ARID1A: variants seen among roughly 807,000 people sequenced by gnomAD.
The protein encoded by ARID1A is AT-rich interaction domain 1A, also known as AT-rich interactive domain-containing protein 1A.
A neutral mutation model predicts 212.6 loss-of-function variants in ARID1A; 20 were observed. The ratio of observed to expected loss-of-function variants is 0.09; its 90% CI spans 0.07 to 0.14. The LOEUF (loss-of-function observed/expected upper bound fraction) is 0.14. Among genes scored for constraint, ARID1A ranks in the 10% least tolerant of loss-of-function variants. The probability of loss-of-function intolerance (pLI) is 1.00; values close to 1 mark genes in which losing one functional copy is unlikely to be tolerated. For synonymous variants in ARID1A, 1,376 were observed against 1,222.1 expected, an observed-to-expected ratio of 1.13 and a Z score of -2.63; for missense variants, 2,587 against 3,059.0, an observed-to-expected ratio of 0.85 and a Z score of 3.64.
intron 4 of ARID1A, among the ~76,000 whole-genome samples, chr1:26,736,755 A>G (rs929182756): frequency 1.3e-5 from 2 of 151,550 alleles, no homozygotes; most frequent in African/African-American, 4.9e-5. Flanking sequence ...ATACAAAATT[A>G]GCCAGGCGTG....
At chr1:26,765,377 A>G (rs1299926120) in intron 8 of ARID1A, 2 of 149,936 alleles carry the variant, frequency 1.3e-5, no homozygotes, top group African/African-American at 4.9e-5. Context: ...AGTCCCAGCT[A>G]CTTGGGAGGC....
rs563760632 is a variant in ARID1A, at chr1:26,717,458, CT to C, written c.1138-12185del. On this transcript the variant is annotated intron_variant, in intron 1 of 19. Coordinates refer to ENST00000324856, the MANE Select transcript of ARID1A (RefSeq NM_006015.6). Reference sequence around the variant, plus strand: ...TTGCTCAAAGTGGTGTGAAACTATACTTTTTTTTCTTTCTCAAAAAGTACAG... The same window carrying C: ...TTGCTCAAAGTGGTGTGAAACTATACTTTTTTTCTTTCTCAAAAAGTACAG... Among the ~76,000 whole-genome samples the C allele has an allele frequency of 5.7e-3, 870 of 152,232 alleles. 8 individuals carry two copies. Among genetic ancestry groups the C allele is most frequent in the African/African-American group, 0.018 (747 of 41,538 alleles).
chr1:26,716,190 C>T (rs547455783), intron 1 of ARID1A, among the ~76,000 whole-genome samples: 3 of 139,064 alleles, frequency 2.2e-5, no homozygotes, highest in African/African-American at 8.1e-5. Context: ...TGGGTAACAG[C>T]GAGATTCCGT....
rs752610128 is a variant in ARID1A at position 26,731,404 on chromosome 1, C to T, written c.1603C>T (p.Pro535Ser). 1 of 1,613,912 alleles carries T rather than the reference C, an allele frequency of 6.2e-7. No homozygotes were observed. Among genetic ancestry groups the T allele is most frequent in the South Asian group, 1.1e-5 (1 of 91,062 alleles). Reference sequence around the variant, plus strand: ...ACATCAGCAGTCCCCGGCTCCATACCCCTCCCAGCAGTCGACGACACAGCA... The same window carrying T: ...ACATCAGCAGTCCCCGGCTCCATACTCCTCCCAGCAGTCGACGACACAGCA... ...PPHQQSPAPYPSQQSTTQQHP... is the reference protein window; with the variant it reads ...PPHQQSPAPYSSQQSTTQQHP... The change falls in exon 3 of 20, where the codon CCC becomes TCC. Residue 535 changes from proline to serine, a missense_variant. Around this residue, in one of 11 missense-constraint regions of ARID1A, gnomAD observed 674 missense variants for 813.4 expected, o/e 0.83. Transcript: ENST00000324856.
Position 26,781,010 on chromosome 1 carries a change from G to C in ARID1A, c.*254G>C, listed in dbSNP as rs1235734781. Reference sequence around the variant, plus strand: ...GACCCTACCCCACCCTCTTTGAAAAGACAAAGCTCTGCCTACATAGAAGAC... The same window carrying C: ...GACCCTACCCCACCCTCTTTGAAAACACAAAGCTCTGCCTACATAGAAGAC... On this transcript the variant is annotated 3_prime_UTR_variant, in exon 20 of 20. Transcript: ENST00000324856. 7.3e-6 allele frequency: 3 copies of C among 411,050 alleles called. No individual in the cohort carries two copies. Among genetic ancestry groups the C allele is most frequent in the Non-Finnish European group, 1.3e-5 (3 of 234,002 alleles). 25.5% of individuals were successfully genotyped at this position (411,050 alleles called of 1,614,324 possible). A position where few individuals can be genotyped will look rare whatever the true frequency, so the allele number is the denominator to read the frequency against.
chr1:26,710,088 T>C (rs2080435834), intron 1 of ARID1A, among the ~76,000 whole-genome samples: 1 of 145,686 alleles, frequency 6.9e-6, no homozygotes, highest in Non-Finnish European at 1.5e-5. Context: ...CACCTGGGCC[T>C]CCCAAAGTGC....
intron 4 of ARID1A, among the ~76,000 whole-genome samples, chr1:26,743,747 G>A (rs1458483271): frequency 4.1e-5 from 6 of 146,856 alleles, no homozygotes; most frequent in South Asian, 2.1e-4. Context: ...CAAGAGAATC[G>A]CTTGAACCCG....
chr1:26,703,082 A>G (rs1370754226), intron 1 of ARID1A, among the ~76,000 whole-genome samples: 2 of 152,154 alleles, frequency 1.3e-5, no homozygotes, highest in Non-Finnish European at 2.9e-5. Flanking sequence ...TCCACTACCC[A>G]ATGGCCTGGG....
At chr1:26,715,809 G>T (rs1319238073) in intron 1 of ARID1A, among the ~76,000 whole-genome samples, 1 of 151,968 alleles carries the variant, frequency 6.6e-6, no homozygotes, top group Non-Finnish European at 1.5e-5. Flanking sequence ...GGAGTTCCAG[G>T]CCAGCCTGGG....
intron 4 of ARID1A, among the ~76,000 whole-genome samples, chr1:26,750,104 G>A (rs1476416105): frequency 1.3e-5 from 2 of 152,218 alleles, no homozygotes; most frequent in African/African-American, 4.8e-5. Context: ...ATAGAACACA[G>A]TGCCATCAGT....
intron 1 of ARID1A, among the ~76,000 whole-genome samples, chr1:26,699,834 T>C (rs1028457852): frequency 7.2e-5 from 11 of 152,312 alleles, no homozygotes; most frequent in African/African-American, 2.2e-4. Context: ...TTTGGAAATA[T>C]TTAGTCAAAG....
chr1:26,773,306 A>C (rs748083112), intron 14 of ARID1A, 40 bp from the exon 15 acceptor site: 2 of 1,533,006 alleles, frequency 1.3e-6, no homozygotes, highest in Non-Finnish European at 8.8e-7. Flanking sequence ...CAGGCTTGTC[A>C]ACTTACCAGT....
intron 4 of ARID1A, among the ~76,000 whole-genome samples, chr1:26,739,192 T>C (rs2080763028): frequency 6.6e-6 from 1 of 152,230 alleles, no homozygotes; most frequent in Non-Finnish European, 1.5e-5. Flanking sequence ...CGGCCCAGCT[T>C]CTGTAACTTT....
rs184491796 is a variant in ARID1A at position 26,726,543 on chromosome 1, G to C, written c.1138-3108G>C. Reference sequence around the variant, plus strand: ...TCCTTCTTTCTCATCTTTCACTTCAGTCCAACTTTTTTTCTACCTTCAAAG... The same window carrying C: ...TCCTTCTTTCTCATCTTTCACTTCACTCCAACTTTTTTTCTACCTTCAAAG... On this transcript the variant is annotated intron_variant, in intron 1 of 19. Transcript: ENST00000324856. 2.0e-5 allele frequency among the ~76,000 whole-genome samples: 3 copies of C among 152,136 alleles called. No individual in the cohort carries two copies. The South Asian group carries it at 6.2e-4, about 31-fold the overall frequency.
In ARID1A at chr1:26,779,179, G is replaced by T. The variant is rs766067889; in HGVS notation, c.5281G>T (p.Gly1761Cys). 8.1e-6 allele frequency: 13 copies of T among 1,608,088 alleles called. No homozygotes were observed. The East Asian group carries it at 2.9e-4, about 36-fold the overall frequency. The change falls in exon 20 of 20, where the codon GGT becomes TGT. Residue 1761 changes from glycine to cysteine, a missense_variant. This residue lies in a region of ARID1A where 890 missense variants were observed against 1,098.2 expected (regional missense o/e 0.81). Transcript: ENST00000324856. The stretch of plus-strand genomic sequence containing the variant: ...GGTGTCTAGTCCAGCTCCCATGGAG[G>T]GTGGGGAAGAAGAAGAAGAACTTCT... ...SKVSSPAPME[G>C]GEEEEELLGP...
At chr1:26,754,147 C>G (rs2080908332) in intron 4 of ARID1A, among the ~76,000 whole-genome samples, 1 of 152,146 alleles carries the variant, frequency 6.6e-6, no homozygotes, top group African/African-American at 2.4e-5. Flanking sequence ...TTGTAGAAAA[C>G]TGAACTGTTA....
In ARID1A at chr1:26,774,053, C is replaced by T; in HGVS notation, c.4101+155C>T. 1 of 1,091,582 alleles carries T rather than the reference C, an allele frequency of 9.2e-7. No homozygotes were observed. Among genetic ancestry groups the T allele is most frequent in the East Asian group, 2.5e-5 (1 of 39,278 alleles). The allele number at this position is 1,091,582 out of a possible 1,614,324, so 67.6% of individuals were successfully genotyped here. ...GCCAGTCCTGCCTGAAGAGCCACGT[C>T]CTCAATCTCTTCTCTATTTGGAGTT... On this transcript the variant is annotated intron_variant, in intron 17 of 19. Transcript: ENST00000324856. The surrounding 1 kb of genome is among the most constrained non-coding windows in gnomAD (Gnocchi z 5.6).
At chr1:26,768,167 GGCAGGAA>G (rs1476057609) in intron 11 of ARID1A, among the ~76,000 whole-genome samples, 168 bp downstream of exon 11, 1 of 152,140 alleles carries the variant, frequency 6.6e-6, no homozygotes. Flanking sequence ...CAGAAGATAA[GGCAGGAA>G]GCAGAGACCT....
At chr1:26,727,986 A>G (rs931056284) in intron 1 of ARID1A, 2 of 152,182 alleles carry the variant, frequency 1.3e-5, no homozygotes, top group Admixed American at 6.5e-5. Context: ...CGAACTTCCT[A>G]AGTAACCCTA....
Sources: allele counts gnomAD v4.1 joint callset (sites outside exome capture counted in the v4.1 genomes callset), GRCh38; gene constraint gnomAD v4.1.1; regional missense constraint gnomAD v4.1.1; non-coding constraint Gnocchi (gnomAD v3.1); transcripts MANE v1.5; gene names NCBI Gene and HGNC (gene_info 2026-07-23, HGNC 2026-07-21).